Variants in ATP6V1H observed in about 807,000 individuals in gnomAD.
ATP6V1H encodes V-type proton ATPase subunit H.
Under a neutral mutation model 71.7 loss-of-function variants are expected in ATP6V1H, and 39 were observed. The ratio of observed to expected loss-of-function variants is 0.54; its 90% CI spans 0.42 to 0.71. The LOEUF is 0.71. ATP6V1H is among the 30% of genes least tolerant of loss of function. ATP6V1H has a pLI of 0.00. For synonymous variants in ATP6V1H, 192 were observed against 199.3 expected (o/e 0.96, Z 0.31); for missense variants, 509 against 594.9 (o/e 0.86, Z 1.50).
At chr8:53,804,628 G>A (rs983216724) in intron 7 of ATP6V1H, among the ~76,000 whole-genome samples, 2 of 152,056 alleles carry the variant, frequency 1.3e-5, no homozygotes, top group African/African-American at 4.8e-5. Context: ...GAGCAGAGAC[G>A]GCATCACTGA....
intron 9 of ATP6V1H, among the ~76,000 whole-genome samples, chr8:53,784,736 G>A (rs1809306456): frequency 6.6e-6 from 1 of 152,214 alleles, no homozygotes; most frequent in African/African-American, 2.4e-5. Flanking sequence ...AGGCCTGGTA[G>A]TGACAAAATC....
At chr8:53,736,439 C>T (rs907624217) in intron 13 of ATP6V1H, among the ~76,000 whole-genome samples, 3 of 152,128 alleles carry the variant, frequency 2.0e-5, no homozygotes, top group Non-Finnish European at 1.5e-5. Context: ...ATTCTTTCCC[C>T]GAACAGACGC....
chr8:53,735,610 A>T (rs189185101), intron 13 of ATP6V1H, among the ~76,000 whole-genome samples: 1 of 152,292 alleles, frequency 6.6e-6, no homozygotes, highest in African/African-American at 2.4e-5. Flanking sequence ...CCCGCAAATC[A>T]TAAGTCCCCC....
At chr8:53,747,145 T>C (rs1409642635) in intron 12 of ATP6V1H, among the ~76,000 whole-genome samples, 1 of 152,224 alleles carries the variant, frequency 6.6e-6, no homozygotes, top group African/African-American at 2.4e-5. Context: ...CAGATGAGTT[T>C]ACATAAAATA....
chr8:53,778,032 A>G (rs576808999), intron 9 of ATP6V1H, among the ~76,000 whole-genome samples: 1 of 152,362 alleles, frequency 6.6e-6, no homozygotes, highest in East Asian at 1.9e-4. Context: ...ATGTAAATAC[A>G]GTAACATGAC....
chr8:53,831,747 CTTTTTTTTTTT>C (rs34474317), intron 3 of ATP6V1H: 1 of 109,826 alleles, frequency 9.1e-6, no homozygotes, highest in Non-Finnish European at 1.8e-5. Flanking sequence ...TAATTACACT[CTTTTTTTTTTT>C]TTTTTTTTTT....
chr8:53,721,871 T>C (rs909259063), intron 13 of ATP6V1H, among the ~76,000 whole-genome samples: 16 of 152,162 alleles, frequency 1.1e-4, no homozygotes, highest in Admixed American at 3.9e-4. Context: ...CAAAGACTAA[T>C]AGATTAGCAG....
At chr8:53,786,879 G>A (rs1809404949) in intron 9 of ATP6V1H, among the ~76,000 whole-genome samples, 1 of 152,220 alleles carries the variant, frequency 6.6e-6, no homozygotes, top group South Asian at 2.1e-4. Flanking sequence ...TAAAATATAT[G>A]TGAAAGCAGT....
Position 53,841,568 on chromosome 8 carries a change from T to G in ATP6V1H, c.113+10A>C, listed in dbSNP as rs898177704. 1 of 1,613,582 alleles carries G rather than the reference T, an allele frequency of 6.2e-7. No individual in the cohort carries two copies. The highest frequency in any genetic ancestry group is 8.5e-7 in the Non-Finnish European group (1 of 1,179,706). On this transcript the variant is annotated intron_variant, in intron 2 of 13. Coordinates refer to ENST00000359530, the MANE Select transcript of ATP6V1H (RefSeq NM_015941.4). Reference sequence around the variant, plus strand: ...TGACTGTCCATGATTCACAGCAAATTGGTACTTACTGAAGATAGGATTGCC... The same window carrying G: ...TGACTGTCCATGATTCACAGCAAATGGGTACTTACTGAAGATAGGATTGCC...
At chr8:53,765,497 ACAC>A (rs1238193024) in intron 11 of ATP6V1H, among the ~76,000 whole-genome samples, 2 of 140,660 alleles carry the variant, frequency 1.4e-5, no homozygotes, top group African/African-American at 5.2e-5. Context: ...ACACACACAC[ACAC>A]AAGACCATCA....
intron 9 of ATP6V1H, among the ~76,000 whole-genome samples, chr8:53,785,680 T>C (rs746153592): frequency 3.2e-4 from 48 of 152,206 alleles, no homozygotes; most frequent in Non-Finnish European, 6.6e-4. Context: ...TATCCACCTT[T>C]GGTCTTTGAT....
intron 9 of ATP6V1H, among the ~76,000 whole-genome samples, chr8:53,787,061 A>G (rs1024853510): frequency 6.6e-6 from 1 of 152,250 alleles, no homozygotes; most frequent in Non-Finnish European, 1.5e-5. Flanking sequence ...TCAAATTCCT[A>G]CAAGTTTCTA....
chr8:53,818,408 A>T (rs1347784900), intron 4 of ATP6V1H, among the ~76,000 whole-genome samples: 3 of 152,194 alleles, frequency 2.0e-5, no homozygotes, highest in African/African-American at 7.2e-5. Flanking sequence ...TTTCAGATTA[A>T]CATTTAATTA....
chr8:53,725,133 G>A (rs931643293), intron 13 of ATP6V1H, among the ~76,000 whole-genome samples: 4 of 152,144 alleles, frequency 2.6e-5, no homozygotes, highest in African/African-American at 7.2e-5. Context: ...GCCTTAAAGA[G>A]GTGACTGGGT....
intron 4 of ATP6V1H, among the ~76,000 whole-genome samples, chr8:53,820,296 AAAG>A (rs765848283): frequency 2.2e-4 from 34 of 152,004 alleles, no homozygotes; most frequent in Non-Finnish European, 3.1e-4. Context: ...GTTTAAAAAA[AAAG>A]AAGAAGAAGA....
At chr8:53,748,724 T>C (rs1807694202) in intron 12 of ATP6V1H, among the ~76,000 whole-genome samples, 1 of 152,222 alleles carries the variant, frequency 6.6e-6, no homozygotes, top group African/African-American at 2.4e-5. Context: ...AAAATCATTT[T>C]TATCTCATAC....
rs184061832 is a variant in ATP6V1H at position 53,798,437 on chromosome 8, T to C, written c.678-2598A>G. Reference sequence around the variant, plus strand: ...TACTCAGGAGGCTGAGGCAGAATTATTTGAACCCAGGAGGCGGAGGTTGCA... The same window carrying C: ...TACTCAGGAGGCTGAGGCAGAATTACTTGAACCCAGGAGGCGGAGGTTGCA... On this transcript the variant is annotated intron_variant, in intron 8 of 13. Coordinates refer to ENST00000359530, the MANE Select transcript of ATP6V1H (RefSeq NM_015941.4). Among the ~76,000 whole-genome samples the C allele has an allele frequency of 2.2e-3, 336 of 152,144 alleles. 2 individuals carry two copies. Among genetic ancestry groups the C allele is most frequent in the African/African-American group, 7.8e-3 (325 of 41,524 alleles).
intron 9 of ATP6V1H, among the ~76,000 whole-genome samples, chr8:53,775,354 G>A (rs1808833605): frequency 6.6e-6 from 1 of 152,220 alleles, no homozygotes; most frequent in Non-Finnish European, 1.5e-5. Context: ...CAGTGTGGAA[G>A]GGGACCGGAG....
chr8:53,821,354 T>C (rs1810648543), intron 4 of ATP6V1H, among the ~76,000 whole-genome samples: 1 of 127,120 alleles, frequency 7.9e-6, no homozygotes, highest in East Asian at 2.3e-4. Flanking sequence ...GCCTGGCCAA[T>C]GGAGCAAGAC....
Sources: allele counts gnomAD v4.1 joint callset (sites outside exome capture counted in the v4.1 genomes callset), GRCh38; gene constraint gnomAD v4.1.1; transcripts MANE v1.5; gene names NCBI Gene and HGNC (gene_info 2026-07-23, HGNC 2026-07-21).